Variants in GALNT12 observed in about 807,000 individuals in gnomAD.
GALNT12 encodes UDP-GalNAc:polypeptide N-acetylgalactosaminyltransferase 12.
A neutral mutation model predicts 55.5 loss-of-function variants in GALNT12; 45 were observed. That is an observed-to-expected ratio of 0.81 (90% CI 0.64 to 1.04). GALNT12 has a LOEUF of 1.04. GALNT12 is among the 50% of genes least tolerant of loss of function. The pLI is 0.00. For missense variants in GALNT12, 709 were observed against 754.8 expected (o/e 0.94, Z 0.71); for synonymous variants, 304 against 312.2 (o/e 0.97, Z 0.28).
intron 4 of GALNT12, among the ~76,000 whole-genome samples, chr9:98,832,344 A>G (rs966619251): frequency 2.0e-5 from 3 of 152,102 alleles, no homozygotes; most frequent in Admixed American, 1.3e-4. Context: ...ACATAGCAAG[A>G]ACCTATCTCT....
chr9:98,814,845 T>G (rs1397194176), intron 1 of GALNT12, among the ~76,000 whole-genome samples: 1 of 152,200 alleles, frequency 6.6e-6, no homozygotes, highest in Non-Finnish European at 1.5e-5. Flanking sequence ...ATAAAATGCT[T>G]ATATGGTGCC....
chr9:98,825,240 ATTAT>A (rs1166860226), intron 2 of GALNT12, among the ~76,000 whole-genome samples: 1 of 152,222 alleles, frequency 6.6e-6, no homozygotes, highest in African/African-American at 2.4e-5. Flanking sequence ...CAAAGAGCGG[ATTAT>A]TTATTTTATA....
intron 1 of GALNT12, among the ~76,000 whole-genome samples, chr9:98,808,780 G>T (rs1244592144): frequency 6.6e-6 from 1 of 152,244 alleles, no homozygotes; most frequent in Non-Finnish European, 1.5e-5. Context: ...CCTAGGTGGG[G>T]ATCCAGGGCA....
intron 1 of GALNT12, among the ~76,000 whole-genome samples, chr9:98,816,954 A>G (rs1210450156): frequency 6.6e-6 from 1 of 150,870 alleles, no homozygotes; most frequent in Non-Finnish European, 1.5e-5. Flanking sequence ...CCTCCCAAGT[A>G]GCTGGGACTA....
rs573591551 is a variant in GALNT12, at chr9:98,826,354, C to T, written c.542-398C>T. On this transcript the variant is annotated intron_variant, in intron 2 of 9. Coordinates refer to ENST00000375011, the MANE Select transcript of GALNT12 (RefSeq NM_024642.5). ...GAGAAAATTTCTATTAACATAACTA[C>T]TGTTTTTATAAAAATTGCGATTAGA... 9.2e-5 allele frequency among the ~76,000 whole-genome samples: 14 copies of T among 152,280 alleles called. No individual in the cohort carries two copies. The South Asian group carries it at 1.7e-3, about 18-fold the overall frequency.
chr9:98,842,529 C>T (rs1836315994), intron 7 of GALNT12, among the ~76,000 whole-genome samples: 1 of 152,108 alleles, frequency 6.6e-6, no homozygotes, highest in Non-Finnish European at 1.5e-5. Context: ...TTGTTTTTGG[C>T]CAGTGGGAGT....
At chr9:98,829,447 C>A (rs1835943294) in intron 3 of GALNT12, among the ~76,000 whole-genome samples, 1 of 152,146 alleles carries the variant, frequency 6.6e-6, no homozygotes, top group South Asian at 2.1e-4. Flanking sequence ...TCTCAGCCTT[C>A]CAAAGTGCTG....
chr9:98,826,565 T>G (rs1835859964), intron 2 of GALNT12, among the ~76,000 whole-genome samples, 187 bp from the exon 3 acceptor site: 1 of 152,160 alleles, frequency 6.6e-6, no homozygotes, highest in Non-Finnish European at 1.5e-5. Flanking sequence ...AGCCTCCTCC[T>G]GGCCTTCGGA....
intron 4 of GALNT12, among the ~76,000 whole-genome samples, chr9:98,833,530 G>T (rs1323860588): frequency 6.6e-6 from 1 of 152,166 alleles, no homozygotes; most frequent in Non-Finnish European, 1.5e-5. Context: ...GCCCTGGGGG[G>T]ACCGTTGTAG....
chr9:98,847,675 A>G (rs780806465), intron 9 of GALNT12, among the ~76,000 whole-genome samples: 3 of 152,100 alleles, frequency 2.0e-5, no homozygotes, highest in Non-Finnish European at 4.4e-5. Flanking sequence ...GATTTATTAT[A>G]TTTCATCAGT....
chr9:98,832,728 T>A (rs1345639168), intron 4 of GALNT12, among the ~76,000 whole-genome samples: 2 of 152,180 alleles, frequency 1.3e-5, no homozygotes, highest in East Asian at 1.9e-4. Flanking sequence ...AGTGGAATCA[T>A]ACAATATTTG....
In GALNT12 at chr9:98,849,767, G is replaced by A. The variant is rs1836508077; in HGVS notation, c.*675G>A. On this transcript the variant is annotated 3_prime_UTR_variant, in exon 10 of 10. Coordinates refer to ENST00000375011, the MANE Select transcript of GALNT12 (RefSeq NM_024642.5). ...TTTACTAAGCTGAGTCAACTTGAGAGCGAACTTCTAACAATGCCGCACTGT... is the reference window on the plus strand; with the variant it reads ...TTTACTAAGCTGAGTCAACTTGAGAACGAACTTCTAACAATGCCGCACTGT... The A allele has an allele frequency of 5.1e-6, 2 of 395,698 alleles. No individual in the cohort carries two copies. The highest frequency in any genetic ancestry group is 8.9e-6 in the Non-Finnish European group (2 of 224,960). 24.5% of individuals were successfully genotyped at this position (395,698 alleles called of 1,614,324 possible).
chr9:98,832,370 T>C (rs937318166), intron 4 of GALNT12, among the ~76,000 whole-genome samples: 3 of 152,094 alleles, frequency 2.0e-5, no homozygotes, highest in Middle Eastern at 3.4e-3. Flanking sequence ...AAAATAAAAA[T>C]TAGCTGAGCA....
chr9:98,836,931 C>G, intron 5 of GALNT12, 41 bp from the exon 6 acceptor site: 1 of 1,563,990 alleles, frequency 6.4e-7, no homozygotes, highest in Non-Finnish European at 8.7e-7. Context: ...CGCAGCTCAT[C>G]CCCTGCTCAC....
Position 98,845,967 on chromosome 9 carries a change from C to G in GALNT12, c.1459-10C>G, listed in dbSNP as rs536735094. 11 of 1,614,006 alleles carry G rather than the reference C, an allele frequency of 6.8e-6. No individual in the cohort carries two copies. The South Asian group carries it at 1.2e-4, about 18-fold the overall frequency. ...AATGTTGTGTTACATGTTGGCTGCC[C>G]CATTTTTAGTTTTTCGAGTACACGT... is the stretch of plus-strand genomic sequence containing the variant. On this transcript the variant is annotated splice_polypyrimidine_tract_variant and intron_variant, in intron 8 of 9. Coordinates refer to ENST00000375011, the MANE Select transcript of GALNT12 (RefSeq NM_024642.5).
chr9:98,813,808 TA>T (rs35284739), intron 1 of GALNT12, among the ~76,000 whole-genome samples: 133,247 of 149,694 alleles, frequency 0.89, 59,565 homozygotes, highest in African/African-American at 0.97. Flanking sequence ...CCAAGAGATT[TA>T]AAAAAAAAAA....
At chr9:98,845,913 C>G in intron 8 of GALNT12, 64 bp from the exon 9 acceptor site, 1 of 1,565,338 alleles carries the variant, frequency 6.4e-7, no homozygotes, top group Non-Finnish European at 8.7e-7. Context: ...TCTTGTCCAG[C>G]GATCTTTCCT....
chr9:98,828,020 A>G (rs1835899906), intron 3 of GALNT12, among the ~76,000 whole-genome samples: 1 of 152,034 alleles, frequency 6.6e-6, no homozygotes, highest in African/African-American at 2.4e-5. Flanking sequence ...TCTGCATCAT[A>G]GAAGTCAGGA....
chr9:98,811,871 C>T (rs1198843260), intron 1 of GALNT12, among the ~76,000 whole-genome samples: 2 of 151,952 alleles, frequency 1.3e-5, no homozygotes, highest in Non-Finnish European at 1.5e-5. Context: ...TTAGTAGACA[C>T]GGGGTTTCAC....
Sources: allele counts gnomAD v4.1 joint callset (sites outside exome capture counted in the v4.1 genomes callset), GRCh38; gene constraint gnomAD v4.1.1; transcripts MANE v1.5; gene names NCBI Gene and HGNC (gene_info 2026-07-23, HGNC 2026-07-21).